The following LIMCH1 variants were observed in gnomAD, a reference collection of about 807,000 sequenced individuals.
LIMCH1 encodes LIM and calponin homology domains-containing protein 1.
In LIMCH1, 113 loss-of-function variants were observed where a neutral mutation model predicts 176.5. That is an observed-to-expected ratio of 0.64 (90% CI 0.55 to 0.75). The LOEUF (loss-of-function observed/expected upper bound fraction) is 0.75. Ranked by LOEUF, LIMCH1 falls within the 30% of genes least tolerant of loss-of-function variation. The pLI, the probability that LIMCH1 is intolerant of heterozygous loss-of-function variation, is 0.00. For synonymous variants in LIMCH1, 619 were observed against 645.9 expected (o/e 0.96, Z 0.63); for missense variants, 1,674 against 1,814.9 (o/e 0.92, Z 1.41).
rs866668969 is a variant in LIMCH1, at chr4:41,689,529, C to A, written c.4169C>A (p.Ser1390Tyr). 1.3e-6 allele frequency: 2 copies of A among 1,579,812 alleles called. No individual in the cohort carries two copies. The highest frequency in any genetic ancestry group is 2.2e-5 in the South Asian group (2 of 90,484). The stretch of plus-strand genomic sequence containing the variant: ...CTTATGTATATTTTTAAACCTAGGT[C>A]TATAAGTGGAAAGAAGCTGTGCTCT... The part of the protein sequence containing the change: ...PTPPGQSPNR[S>Y]ISGKKLCSSC... Residue 1390 changes from serine to tyrosine, a missense_variant and splice_region_variant, in exon 30 of 32, where the codon TCT becomes TAT. This residue lies in a region of LIMCH1 where 1,015 missense variants were observed against 1,102.5 expected (regional missense o/e 0.92). Transcript: ENST00000503057.
chr4:41,673,957 T>C (rs1560327527), intron 22 of LIMCH1, among the ~76,000 whole-genome samples: 1 of 152,198 alleles, frequency 6.6e-6, no homozygotes, highest in Non-Finnish European at 1.5e-5. Context: ...CACACTCAGG[T>C]GTAAGCTCCA....
chr4:41,680,825 G>T lies in LIMCH1; in HGVS notation c.3613-130G>T, dbSNP rs948548906. 1.9e-5 allele frequency: 10 copies of T among 516,410 alleles called. No homozygotes were observed. The Admixed American group carries it at 3.2e-4, about 17-fold the overall frequency. The allele number at this position is 516,410 out of a possible 1,614,324, so 32.0% of individuals were successfully genotyped here. Reference sequence around the variant, plus strand: ...TGATTTGCATGCTTTTGGAAAATAAGACTTTTTAAAATGCCCTGCTTGTTC... The same window carrying T: ...TGATTTGCATGCTTTTGGAAAATAATACTTTTTAAAATGCCCTGCTTGTTC... On this transcript the variant is annotated intron_variant, in intron 24 of 31. Coordinates refer to ENST00000503057, the MANE Select transcript of LIMCH1 (RefSeq NM_001330672.2).
chr4:41,583,784 T>TC (rs199912967), intron 1 of LIMCH1, among the ~76,000 whole-genome samples: 28 of 130,784 alleles, frequency 2.1e-4, no homozygotes, highest in African/African-American at 7.8e-4. Flanking sequence ...TCTCTCTCTC[T>TC]TTTTTTTTTT....
chr4:41,651,489 A>G (rs2094295792), intron 18 of LIMCH1, among the ~76,000 whole-genome samples: 1 of 152,232 alleles, frequency 6.6e-6, no homozygotes, highest in African/African-American at 2.4e-5. Flanking sequence ...TATCATTGGT[A>G]TAATGGAAGG....
intron 1 of LIMCH1, among the ~76,000 whole-genome samples, chr4:41,363,027 C>G (rs970093494): frequency 1.3e-5 from 2 of 152,180 alleles, no homozygotes; most frequent in South Asian, 2.1e-4. Flanking sequence ...TATCTCCTTT[C>G]AATTGTTGGG....
rs1303761195 is a variant in LIMCH1, at chr4:41,590,525, C to A, written c.-240-8395C>A. ...TGAGCTGGTCTGGCTTCCCCACTGC[C>A]TAAAGAACAGTCTAGATCTTTAGCA... On this transcript the variant is annotated intron_variant, in intron 1 of 31. Transcript: ENST00000503057. 2.0e-5 allele frequency among the ~76,000 whole-genome samples: 3 copies of A among 152,146 alleles called. No individual in the cohort carries two copies. In the East Asian group the frequency reaches 5.8e-4, roughly 29 times the overall value.
At chr4:41,440,193 T>C (rs1474606911) in intron 1 of LIMCH1, among the ~76,000 whole-genome samples, 1 of 152,242 alleles carries the variant, frequency 6.6e-6, no homozygotes, top group Non-Finnish European at 1.5e-5. Flanking sequence ...ACAAAAATAC[T>C]GTTTAATGCT....
At chr4:41,484,973 T>C (rs1043636438) in intron 1 of LIMCH1, among the ~76,000 whole-genome samples, 4 of 152,206 alleles carry the variant, frequency 2.6e-5, no homozygotes, top group African/African-American at 9.6e-5. Flanking sequence ...GCGAGACTGA[T>C]TCTTGGCAGC....
chr4:41,631,568 G>A (rs1007857782), intron 10 of LIMCH1, 91 bp downstream of exon 10: 6 of 1,080,100 alleles, frequency 5.6e-6, no homozygotes, highest in Non-Finnish European at 7.7e-6. Context: ...CAAGCCCCTA[G>A]AGATGACATA....
At position 41,633,807 on chromosome 4, in the gene LIMCH1, A is replaced by G; in HGVS notation, c.2089A>G (p.Arg697Gly). The change falls in exon 13 of 32, where the codon AGA becomes GGA. Residue 697 changes from arginine to glycine, a missense_variant and splice_region_variant. By Grantham distance (125) the Arg-to-Gly change is moderately radical (BLOSUM62 -2). Around this residue, in one of 3 missense-constraint regions of LIMCH1, gnomAD observed 1,015 missense variants for 1,102.5 expected, o/e 0.92. Transcript: ENST00000503057. The part of the protein sequence containing the change: ...SSKGLPMKDQ[R>G]YGPRTPVSDD... Reference sequence around the variant, plus strand: ...TAAAGGTCTACCCATGAAAGATCAGAGGTCAGAAAGTTATTCTGTGCCCTT... The same window carrying G: ...TAAAGGTCTACCCATGAAAGATCAGGGGTCAGAAAGTTATTCTGTGCCCTT... 6 of 1,535,448 alleles carry G rather than the reference A, an allele frequency of 3.9e-6. No homozygotes were observed. Among genetic ancestry groups the G allele is most frequent in the Non-Finnish European group, 5.2e-6 (6 of 1,146,288 alleles).
At chr4:41,553,323 A>T (rs990212086) in intron 1 of LIMCH1, among the ~76,000 whole-genome samples, 3 of 152,186 alleles carry the variant, frequency 2.0e-5, no homozygotes, top group Non-Finnish European at 2.9e-5. Context: ...TATATTCACA[A>T]AGTGCTGTGG....
chr4:41,367,245 T>C (rs1020041145), intron 1 of LIMCH1, among the ~76,000 whole-genome samples: 18 of 152,154 alleles, frequency 1.2e-4, no homozygotes, highest in African/African-American at 4.1e-4. Context: ...ACCTTTGGCA[T>C]CAGGAAAAGG....
rs958668380 is a variant in LIMCH1, at chr4:41,698,883, C to T, written c.*1698C>T. 4 of 152,032 alleles carry T rather than the reference C, an allele frequency of 2.6e-5. No homozygotes were observed. Among genetic ancestry groups the T allele is most frequent in the South Asian group, 4.1e-4 (2 of 4,822 alleles). The allele number at this position is 152,032 out of a possible 1,614,324, so 9.4% of individuals were successfully genotyped here. ...GAAAACGCAAAGCTGTTGCACATGG[C>T]GATAAATTATGGATGCAGTACATTG... On this transcript the variant is annotated 3_prime_UTR_variant, in exon 32 of 32. Coordinates refer to ENST00000503057, the MANE Select transcript of LIMCH1 (RefSeq NM_001330672.2).
chr4:41,540,099 G>A (rs1435346034), intron 1 of LIMCH1, among the ~76,000 whole-genome samples: 1 of 152,334 alleles, frequency 6.6e-6, no homozygotes, highest in East Asian at 1.9e-4. Context: ...CTTCTCAGTT[G>A]TGTGCTGATC....
At position 41,445,172 on chromosome 4, in the gene LIMCH1, A is replaced by C. The variant is rs548502341; in HGVS notation, c.97-49364A>C. The stretch of plus-strand genomic sequence containing the variant: ...AGGTGCACACCGCCACGCCTGGCTA[A>C]TTTTTATATTTTTAGTAGAAACAGA... On this transcript the variant is annotated intron_variant, in intron 1 of 26. Transcript: ENST00000313860. Among the ~76,000 whole-genome samples the C allele has an allele frequency of 2.6e-5, 4 of 152,016 alleles. No individual in the cohort carries two copies. In the East Asian group the frequency reaches 7.7e-4, roughly 29 times the overall value.
rs1259535028 is a variant in LIMCH1 at position 41,631,286 on chromosome 4, C to T, written c.1410C>T (p.His470=). 6 of 1,536,054 alleles carry T rather than the reference C, an allele frequency of 3.9e-6. No homozygotes were observed. The highest frequency in any genetic ancestry group is 5.2e-6 in the Non-Finnish European group (6 of 1,146,898). Residue 470 remains histidine (H), a synonymous_variant, in exon 10 of 32, where the codon CAC becomes CAT. Transcript: ENST00000503057. ...KASSPRQKFV[H]FGPVTELDQQ... is the part of the protein sequence containing the mutation. ...CCAGCCCCAGGCAAAAGTTTGTGCA[C>T]TTTGGGCCAGTGACGGAGCTAGATC...
chr4:41,361,772 C>A (rs1024201428), intron 1 of LIMCH1, among the ~76,000 whole-genome samples: 4 of 152,156 alleles, frequency 2.6e-5, no homozygotes, highest in Admixed American at 1.3e-4. Flanking sequence ...CCCGAGCTCC[C>A]GAAATGAACT....
intron 2 of LIMCH1, among the ~76,000 whole-genome samples, chr4:41,520,490 AT>A (rs1451326451): frequency 1.3e-5 from 2 of 151,920 alleles, no homozygotes; most frequent in Non-Finnish European, 2.9e-5. Context: ...GCTATCTGAA[AT>A]TTTCTTCTTA....
In LIMCH1 at chr4:41,682,675, C is replaced by CTTTTTTT. The variant is rs200784058; in HGVS notation, c.3845+217_3845+218insTTTTTTT. Among the ~76,000 whole-genome samples, 40 of 142,360 alleles carry CTTTTTTT rather than the reference C, an allele frequency of 2.8e-4. 2 individuals carry two copies. The highest frequency in any genetic ancestry group is 3.7e-4 in the Non-Finnish European group (24 of 65,328). 93.4% of individuals were successfully genotyped at this position (142,360 alleles called of 152,430 possible). On this transcript the variant is annotated intron_variant, in intron 26 of 31. Transcript: ENST00000503057. Reference sequence around the variant, plus strand: ...AAATAGCCTTATTTTTTTTCTTCTTCTTCTTTTTTTTTTTTTTGCTTGAGA... The same window carrying CTTTTTTT: ...AAATAGCCTTATTTTTTTTCTTCTTCTTTTTTTTTCTTTTTTTTTTTTTTGCTTGAGA...
Sources: allele counts gnomAD v4.1 joint callset (sites outside exome capture counted in the v4.1 genomes callset), GRCh38; gene constraint gnomAD v4.1.1; regional missense constraint gnomAD v4.1.1; transcripts MANE v1.5; gene names NCBI Gene and HGNC (gene_info 2026-07-23, HGNC 2026-07-21).